RPTOR: variants seen among roughly 807,000 people sequenced by gnomAD.
RPTOR encodes the protein regulatory associated protein of MTOR complex 1, also known as regulatory-associated protein of mTOR.
A neutral mutation model predicts 169.9 loss-of-function variants in RPTOR; 21 were observed. The observed-to-expected ratio is 0.12, with a 90% CI of 0.09 to 0.18. The LOEUF (loss-of-function observed/expected upper bound fraction) is 0.18. Ranked by LOEUF, RPTOR falls within the 10% of genes least tolerant of loss-of-function variation. The pLI, the probability that RPTOR is intolerant of heterozygous loss-of-function variation, is 1.00. For synonymous variants in RPTOR, 732 were observed against 753.2 expected, an observed-to-expected ratio of 0.97 and a Z score of 0.46; for missense variants, 1,133 against 1,855.9, an observed-to-expected ratio of 0.61 and a Z score of 7.16.
rs572527444 is a variant in RPTOR at position 80,892,945 on chromosome 17, G to A, written c.2242+76G>A. 29 of 1,525,924 alleles carry A rather than the reference G, an allele frequency of 1.9e-5. No homozygotes were observed. In the South Asian group the frequency reaches 3.0e-4, roughly 16 times the overall value. The allele number at this position is 1,525,924 out of a possible 1,614,324, so 94.5% of individuals were successfully genotyped here. On this transcript the variant is annotated intron_variant, in intron 19 of 33. Transcript: ENST00000306801. ...TTTCTGAAACACTGTATCTGAGTAA[G>A]CACCACTCTGCCCCTGCCCCTTCGT...
intron 9 of RPTOR, among the ~76,000 whole-genome samples, chr17:80,837,677 A>C (rs1355547988): frequency 6.6e-6 from 1 of 152,198 alleles, no homozygotes; most frequent in Non-Finnish European, 1.5e-5. Flanking sequence ...ATGTGACAAA[A>C]TGGTGAGGAT....
intron 6 of RPTOR, among the ~76,000 whole-genome samples, chr17:80,766,457 C>T (rs1392666556): frequency 6.6e-6 from 1 of 152,176 alleles, no homozygotes; most frequent in Non-Finnish European, 1.5e-5. Context: ...TCAAGTGATC[C>T]TCCTGCTTTA....
intron 2 of RPTOR, among the ~76,000 whole-genome samples, chr17:80,641,467 TA>T (rs1332735949): frequency 2.0e-5 from 3 of 152,274 alleles, no homozygotes; most frequent in South Asian, 2.1e-4. Context: ...ATTTTTATTT[TA>T]TTTTTTTATC....
rs549562646 is a variant in RPTOR, at chr17:80,695,209, G to A, written c.349-12632G>A. Among the ~76,000 whole-genome samples, 7 of 152,248 alleles carry A rather than the reference G, an allele frequency of 4.6e-5. No homozygotes were observed. In the South Asian group the frequency reaches 8.3e-4, roughly 18 times the overall value. ...ATGTGCCCAAGACAGAGGCTGCCCC[G>A]ACCCGTGCTGTGCGGGTCACTCACC... On this transcript the variant is annotated intron_variant, in intron 3 of 33. Coordinates refer to ENST00000306801, the MANE Select transcript of RPTOR (RefSeq NM_020761.3). This position sits in a 1 kb window ranked among gnomAD's most constrained non-coding sequence, Gnocchi z 4.9.
In RPTOR at chr17:80,959,871, A is replaced by T. The variant is rs1182576824; in HGVS notation, c.3478-207A>T. On this transcript the variant is annotated intron_variant, in intron 29 of 33. Coordinates refer to ENST00000306801, the MANE Select transcript of RPTOR (RefSeq NM_020761.3). The surrounding 1 kb of genome is among the most constrained non-coding windows in gnomAD (Gnocchi z 6.7). ...GGGCCAAGGGATAAGGGCGTGACTCATTGTCCTGCCAGCCCCTGCCTCTCC... is the reference window on the plus strand; with the variant it reads ...GGGCCAAGGGATAAGGGCGTGACTCTTTGTCCTGCCAGCCCCTGCCTCTCC... Among the ~76,000 whole-genome samples, 1 of 151,960 alleles carries T rather than the reference A, an allele frequency of 6.6e-6. No individual in the cohort carries two copies. The highest frequency in any genetic ancestry group is 1.5e-5 in the Non-Finnish European group (1 of 67,966).
At chr17:80,785,445 A>G (rs1233136647) in intron 6 of RPTOR, among the ~76,000 whole-genome samples, 2 of 152,200 alleles carry the variant, frequency 1.3e-5, no homozygotes, top group Non-Finnish European at 2.9e-5. Context: ...GGCAGTTTTA[A>G]AAAGAGGAGA....
intron 7 of RPTOR, chr17:80,801,957 C>G (rs2067163225): frequency 2.0e-5 from 3 of 152,226 alleles, no homozygotes; most frequent in Admixed American, 2.0e-4. Flanking sequence ...CCGGGCGCCT[C>G]TCATTAAGGT....
At chr17:80,770,512 G>C (rs1376674010) in intron 6 of RPTOR, among the ~76,000 whole-genome samples, 1 of 152,188 alleles carries the variant, frequency 6.6e-6, no homozygotes, top group Admixed American at 6.5e-5. Flanking sequence ...GTGTGGGTGA[G>C]GCTTAGAACT....
At chr17:80,597,641 G>T (rs540506152) in intron 1 of RPTOR, among the ~76,000 whole-genome samples, 1 of 151,642 alleles carries the variant, frequency 6.6e-6, no homozygotes, top group South Asian at 2.1e-4. Context: ...TACCTAGGTA[G>T]CTGGAACTAC....
In RPTOR at chr17:80,947,371, C is replaced by G. The variant is rs766507847; in HGVS notation, c.3265+20C>G. 9 of 1,531,100 alleles carry G rather than the reference C, an allele frequency of 5.9e-6. No homozygotes were observed. The highest frequency in any genetic ancestry group is 7.9e-6 in the Non-Finnish European group (9 of 1,140,752). The allele number at this position is 1,531,100 out of a possible 1,614,324, so 94.8% of individuals were successfully genotyped here. A position where few individuals can be genotyped will look rare whatever the true frequency, so the allele number is the denominator to read the frequency against. ...CCACAGGTGAGCGGGGTTTGCACAG[C>G]CAGGATTGGAAGCCAGGGTCTGGAG... is the stretch of plus-strand genomic sequence containing the variant. On this transcript the variant is annotated intron_variant, in intron 27 of 33. Transcript: ENST00000306801. This position sits in a 1 kb window ranked among gnomAD's most constrained non-coding sequence, Gnocchi z 4.4.
intron 1 of RPTOR, among the ~76,000 whole-genome samples, chr17:80,587,082 G>A (rs1326412013): frequency 2.0e-5 from 3 of 152,252 alleles, no homozygotes; most frequent in African/African-American, 7.2e-5. Context: ...GGAATATCCA[G>A]AAACAACACG....
intron 13 of RPTOR, among the ~76,000 whole-genome samples, chr17:80,877,605 T>G (rs2068136010): frequency 6.6e-6 from 1 of 152,222 alleles, no homozygotes; most frequent in Non-Finnish European, 1.5e-5. Flanking sequence ...GGGCTTCGAT[T>G]TGACTTGTGG....
rs929277137 is a variant in RPTOR at position 80,562,388 on chromosome 17, C to A, written c.162+16597C>A. Among the ~76,000 whole-genome samples, 1 of 152,158 alleles carries A rather than the reference C, an allele frequency of 6.6e-6. No homozygotes were observed. Among genetic ancestry groups the A allele is most frequent in the Non-Finnish European group, 1.5e-5 (1 of 68,034 alleles). On this transcript the variant is annotated intron_variant, in intron 1 of 33. Coordinates refer to ENST00000306801, the MANE Select transcript of RPTOR (RefSeq NM_020761.3). This position sits in a 1 kb window ranked among gnomAD's most constrained non-coding sequence, Gnocchi z 4.4. Reference sequence around the variant, plus strand: ...CGTTTACCCCTGCTTCCCCTCACTCCCCTGCTTGGGGGCTGGGTGGTCATG... The same window carrying A: ...CGTTTACCCCTGCTTCCCCTCACTCACCTGCTTGGGGGCTGGGTGGTCATG...
intron 3 of RPTOR, among the ~76,000 whole-genome samples, chr17:80,693,704 G>A (rs1466868642): frequency 2.6e-5 from 4 of 152,230 alleles, no homozygotes; most frequent in Non-Finnish European, 5.9e-5. Context: ...GCCAGCCCTG[G>A]GTGCTGTAGG....
chr17:80,923,818 C>T (rs557530824), intron 23 of RPTOR, 145 bp downstream of exon 23: 1 of 908,086 alleles, frequency 1.1e-6, no homozygotes, highest in South Asian at 1.8e-5. Context: ...GGGCCACTCT[C>T]TGCCTTTGCA....
chr17:80,692,431 C>T (rs1027764690), intron 3 of RPTOR, among the ~76,000 whole-genome samples: 1 of 152,208 alleles, frequency 6.6e-6, no homozygotes, highest in African/African-American at 2.4e-5. Flanking sequence ...AAGCGATTCT[C>T]CTGCCTCAGC....
intron 7 of RPTOR, among the ~76,000 whole-genome samples, chr17:80,810,928 A>G (rs72853735): frequency 0.1 from 15,834 of 152,192 alleles, 924 homozygotes; most frequent in South Asian, 0.15. Flanking sequence ...TAGTGACCTC[A>G]TTTCCTCTAA....
rs769868895 is a variant in RPTOR at position 80,558,437 on chromosome 17, C to T, written c.162+12646C>T. 2.7e-4 allele frequency among the ~76,000 whole-genome samples: 41 copies of T among 152,148 alleles called. 1 individual carries two copies. The highest frequency in any genetic ancestry group is 2.4e-4 in the Non-Finnish European group (16 of 68,036). ...GAGAACAAGTTTGAATTTTACCCAG[C>T]TGTCGGTATATTTTTCAGGTGCGTT... is the stretch of plus-strand genomic sequence containing the variant. On this transcript the variant is annotated intron_variant, in intron 1 of 33. Coordinates refer to ENST00000306801, the MANE Select transcript of RPTOR (RefSeq NM_020761.3).
chr17:80,573,953 T>G (rs7215496), intron 1 of RPTOR, among the ~76,000 whole-genome samples: 11 of 152,038 alleles, frequency 7.2e-5, no homozygotes, highest in Admixed American at 5.9e-4. Flanking sequence ...TACAGCTGTC[T>G]GCCCACATGC....
Sources: allele counts gnomAD v4.1 joint callset (sites outside exome capture counted in the v4.1 genomes callset), GRCh38; gene constraint gnomAD v4.1.1; non-coding constraint Gnocchi (gnomAD v3.1); transcripts MANE v1.5; gene names NCBI Gene and HGNC (gene_info 2026-07-23, HGNC 2026-07-21).